TENM4: variants seen among roughly 807,000 people sequenced by gnomAD.
The protein encoded by TENM4 is teneurin-4.
TENM4 carries 82 observed loss-of-function variants against 243.3 expected under a neutral mutation model. The observed-to-expected ratio is 0.34, with a 90% CI of 0.28 to 0.40. The LOEUF (loss-of-function observed/expected upper bound fraction) is 0.40, where lower values mean the gene tolerates loss of function less well. TENM4 is among the 10% of genes least tolerant of loss of function. The probability of loss-of-function intolerance (pLI) is 1.00; values close to 1 mark genes in which losing one functional copy is unlikely to be tolerated. For synonymous variants in TENM4, 1,412 were observed against 1,456.3 expected, an observed-to-expected ratio of 0.97 and a Z score of 0.69; for missense variants, 3,138 against 3,673.3, an observed-to-expected ratio of 0.85 and a Z score of 3.77.
chr11:79,117,424 ATGT>A, intron 4 of TENM4, among the ~76,000 whole-genome samples: 1 of 152,174 alleles, frequency 6.6e-6, no homozygotes, highest in Non-Finnish European at 1.5e-5. Flanking sequence ...TGTCCTTTAA[ATGT>A]TGTGATCATG....
intron 28 of TENM4, among the ~76,000 whole-genome samples, chr11:78,689,636 C>A (rs988935427): frequency 6.6e-6 from 1 of 152,150 alleles, no homozygotes; most frequent in Non-Finnish European, 1.5e-5. Context: ...CCTGGGTCTG[C>A]AGCTCCTATG....
At chr11:79,209,197 C>T (rs17137858) in intron 3 of TENM4, among the ~76,000 whole-genome samples, 9,307 of 152,238 alleles carry the variant, frequency 0.061, 407 homozygotes, top group African/African-American at 0.13. Flanking sequence ...TTCCCTACTC[C>T]GAGGATGCAG....
intron 7 of TENM4, among the ~76,000 whole-genome samples, chr11:78,895,389 T>C (rs1855769057): frequency 6.6e-6 from 1 of 152,024 alleles, no homozygotes; most frequent in Non-Finnish European, 1.5e-5. Flanking sequence ...CTTTTAAACT[T>C]AGTTCTGGGT....
chr11:78,988,895 TCA>T (rs1857978877), intron 6 of TENM4, among the ~76,000 whole-genome samples: 1 of 152,242 alleles, frequency 6.6e-6, no homozygotes, highest in African/African-American at 2.4e-5. Flanking sequence ...TAGGCTGGTC[TCA>T]CACTCCTGAG....
intron 6 of TENM4, among the ~76,000 whole-genome samples, chr11:78,920,715 T>C (rs552963617): frequency 6.0e-4 from 91 of 152,316 alleles, no homozygotes; most frequent in Middle Eastern, 3.4e-3. Context: ...TCAAACAAGA[T>C]TATATATATG....
intron 2 of TENM4, among the ~76,000 whole-genome samples, chr11:79,256,417 G>T (rs562466715): frequency 1.3e-5 from 2 of 152,296 alleles, no homozygotes; most frequent in East Asian, 3.9e-4. Context: ...GAGGCTGAAA[G>T]AGGGTAACTG....
intron 1 of TENM4, among the ~76,000 whole-genome samples, chr11:79,335,768 A>G (rs1857137939): frequency 6.6e-6 from 1 of 152,170 alleles, no homozygotes; most frequent in Non-Finnish European, 1.5e-5. Context: ...CAAAGAGGAG[A>G]GACTGCCAAC....
At chr11:78,723,738 C>T (rs1054682956) in intron 23 of TENM4, among the ~76,000 whole-genome samples, 2 of 152,356 alleles carry the variant, frequency 1.3e-5, no homozygotes, top group East Asian at 1.9e-4. Flanking sequence ...TGCCCGCTGC[C>T]TCACCTCTTC....
chr11:79,077,515 C>T (rs544835682), intron 4 of TENM4, among the ~76,000 whole-genome samples: 1 of 152,094 alleles, frequency 6.6e-6, no homozygotes, highest in Non-Finnish European at 1.5e-5. Context: ...ATTTTTTTAA[C>T]TAAAACAAAA....
chr11:78,705,200 A>G (rs1343928478), intron 27 of TENM4, among the ~76,000 whole-genome samples: 1 of 152,124 alleles, frequency 6.6e-6, no homozygotes, highest in Non-Finnish European at 1.5e-5. Flanking sequence ...CACCTTGGGG[A>G]CCTGCTTGTG....
intron 2 of TENM4, among the ~76,000 whole-genome samples, chr11:79,237,052 G>A (rs1185825471): frequency 6.6e-6 from 1 of 152,300 alleles, no homozygotes; most frequent in South Asian, 2.1e-4. Context: ...AGGTTTGCAG[G>A]CCATCTAATA....
chr11:78,949,719 G>T (rs544879369), intron 6 of TENM4, among the ~76,000 whole-genome samples: 1 of 152,176 alleles, frequency 6.6e-6, no homozygotes, highest in Non-Finnish European at 1.5e-5. Context: ...GCCAGGTGAA[G>T]TTGGAACTGA....
chr11:78,899,240 G>C (rs1181017498), intron 7 of TENM4, among the ~76,000 whole-genome samples: 2 of 152,092 alleles, frequency 1.3e-5, no homozygotes, highest in Non-Finnish European at 2.9e-5. Flanking sequence ...ATTTGGAGAG[G>C]CCCTTAGAGG....
chr11:78,922,039 T>C (rs75024201), intron 6 of TENM4, among the ~76,000 whole-genome samples: 2,139 of 152,264 alleles, frequency 0.014, 46 homozygotes, highest in African/African-American at 0.049. Context: ...AGGCTGTATA[T>C]TGAATGTGAT....
chr11:78,880,216 G>A (rs1037479817), intron 9 of TENM4, among the ~76,000 whole-genome samples: 12 of 152,100 alleles, frequency 7.9e-5, no homozygotes, highest in African/African-American at 1.9e-4. Context: ...GATTAAGGGC[G>A]GTGCAAGATT....
intron 4 of TENM4, among the ~76,000 whole-genome samples, chr11:79,131,416 A>G (rs553910536): frequency 4.1e-4 from 63 of 152,212 alleles, no homozygotes; most frequent in Non-Finnish European, 8.4e-4. Flanking sequence ...AGAATTTTGT[A>G]TCCAGCAAAA....
At chr11:79,439,402 T>A (rs1176434970) in intron 1 of TENM4, among the ~76,000 whole-genome samples, 8 of 152,074 alleles carry the variant, frequency 5.3e-5, no homozygotes, top group Admixed American at 5.2e-4. Flanking sequence ...AACTGAGCAG[T>A]AATACACTCA....
chr11:79,410,780 C>T (rs953392570), intron 1 of TENM4, among the ~76,000 whole-genome samples: 15 of 152,140 alleles, frequency 9.9e-5, no homozygotes, highest in Admixed American at 3.3e-4. Context: ...GTGCCTGGTA[C>T]GTGGTAGGCA....
At chr11:78,928,194 C>G (rs1033107784) in intron 6 of TENM4, among the ~76,000 whole-genome samples, 2 of 152,158 alleles carry the variant, frequency 1.3e-5, no homozygotes, top group Admixed American at 6.5e-5. Flanking sequence ...CCTGGGGGTC[C>G]CCGCTCTGAC....
Sources: allele counts gnomAD v4.1 joint callset (sites outside exome capture counted in the v4.1 genomes callset), GRCh38; gene constraint gnomAD v4.1.1; transcripts MANE v1.5; gene names NCBI Gene and HGNC (gene_info 2026-07-23, HGNC 2026-07-21).